Variants in DPP10 observed in about 807,000 individuals in gnomAD.
DPP10 encodes inactive dipeptidyl peptidase 10.
DPP10 carries 33 observed loss-of-function variants against 120.9 expected under a neutral mutation model. The ratio of observed to expected loss-of-function variants is 0.27; its 90% CI spans 0.21 to 0.37. DPP10 has a LOEUF of 0.37. Among genes scored for constraint, DPP10 ranks in the 10% least tolerant of loss-of-function variants. DPP10 has a pLI of 1.00. For missense variants in DPP10, 816 were observed against 942.8 expected (o/e 0.87, Z 1.76); for synonymous variants, 337 against 326.1 (o/e 1.03, Z -0.36).
chr2:114,766,723 T>C (rs912517695), intron 1 of DPP10, among the ~76,000 whole-genome samples: 4 of 152,138 alleles, frequency 2.6e-5, no homozygotes, highest in African/African-American at 9.7e-5. Flanking sequence ...ACTCTTGAAA[T>C]AACAATAATA....
chr2:114,589,663 T>C (rs1431495187), intron 1 of DPP10, among the ~76,000 whole-genome samples: 1 of 152,186 alleles, frequency 6.6e-6, no homozygotes, highest in Non-Finnish European at 1.5e-5. Flanking sequence ...AGATAATACA[T>C]TGAATAATTA....
At chr2:114,990,070 T>G (rs1473602892) in intron 1 of DPP10, among the ~76,000 whole-genome samples, 3 of 152,176 alleles carry the variant, frequency 2.0e-5, no homozygotes, top group African/African-American at 7.2e-5. Context: ...TTTCTTTGAA[T>G]TAGTTGCTGT....
At chr2:114,763,702 A>G (rs1574131783) in intron 1 of DPP10, among the ~76,000 whole-genome samples, 1 of 152,212 alleles carries the variant, frequency 6.6e-6, no homozygotes, top group African/African-American at 2.4e-5. Context: ...GGGAACATTT[A>G]TAATGCACAT....
intron 5 of DPP10, among the ~76,000 whole-genome samples, chr2:115,615,822 A>G (rs866594653): frequency 6.6e-6 from 1 of 152,124 alleles, no homozygotes. Context: ...GGGAACCTAA[A>G]TGGAGATTAT....
chr2:115,057,580 G>A (rs1706030643), intron 1 of DPP10, among the ~76,000 whole-genome samples: 1 of 152,182 alleles, frequency 6.6e-6, no homozygotes, highest in African/African-American at 2.4e-5. Flanking sequence ...TTTATGGAAA[G>A]GACAGAAGGA....
At chr2:115,458,733 C>G (rs768998881) in intron 3 of DPP10, among the ~76,000 whole-genome samples, 50 of 152,056 alleles carry the variant, frequency 3.3e-4, no homozygotes, top group South Asian at 8.3e-4. Context: ...ATATAGAGGA[C>G]TAGAAAGAAA....
At chr2:115,440,353 A>G (rs1333713351) in intron 3 of DPP10, among the ~76,000 whole-genome samples, 1 of 152,202 alleles carries the variant, frequency 6.6e-6, no homozygotes, top group African/African-American at 2.4e-5. Context: ...TGTATGAGCC[A>G]TGCAGAGCTG....
intron 5 of DPP10, among the ~76,000 whole-genome samples, chr2:115,578,652 A>G (rs2081831285): frequency 6.6e-6 from 1 of 152,166 alleles, no homozygotes; most frequent in Non-Finnish European, 1.5e-5. Context: ...CATACTCAGA[A>G]CCATGATTTG....
At chr2:115,401,395 CAT>C (rs2068061836) in intron 3 of DPP10, among the ~76,000 whole-genome samples, 1 of 152,056 alleles carries the variant, frequency 6.6e-6, no homozygotes, top group South Asian at 2.1e-4. Context: ...GCCTGGGTAA[CAT>C]AGAGAAGTCT....
At chr2:115,302,538 G>A (rs774280111) in intron 1 of DPP10, among the ~76,000 whole-genome samples, 18 of 151,772 alleles carry the variant, frequency 1.2e-4, no homozygotes, top group Admixed American at 4.6e-4. Context: ...GATCACATGA[G>A]CCCAGGAGGT....
intron 1 of DPP10, among the ~76,000 whole-genome samples, chr2:114,942,558 T>G (rs1697042588): frequency 6.8e-6 from 1 of 148,042 alleles, no homozygotes; most frequent in South Asian, 2.1e-4. Context: ...AGATTAGCCA[T>G]TTTTTTTTCA....
At chr2:114,695,309 A>G (rs1700006948) in intron 1 of DPP10, among the ~76,000 whole-genome samples, 1 of 152,084 alleles carries the variant, frequency 6.6e-6, no homozygotes, top group Non-Finnish European at 1.5e-5. Context: ...TGTAATAACC[A>G]CATCTCAGTT....
chr2:115,439,910 G>A (rs1056971755), intron 3 of DPP10, among the ~76,000 whole-genome samples: 7 of 152,014 alleles, frequency 4.6e-5, no homozygotes, highest in African/African-American at 9.7e-5. Context: ...ATTTTAGGCC[G>A]CCTTTCTAAA....
chr2:114,657,155 A>G (rs906751749), intron 1 of DPP10, among the ~76,000 whole-genome samples: 2 of 152,140 alleles, frequency 1.3e-5, no homozygotes, highest in Non-Finnish European at 2.9e-5. Context: ...CCAGGCCTAT[A>G]TCTTTTAAGA....
At chr2:115,361,287 T>C (rs1019321112) in intron 3 of DPP10, among the ~76,000 whole-genome samples, 3 of 151,838 alleles carry the variant, frequency 2.0e-5, no homozygotes, top group Admixed American at 1.3e-4. Flanking sequence ...TTCTAGGGAG[T>C]TGAGACCAGG....
chr2:115,138,641 G>A (rs1331698251), intron 1 of DPP10, among the ~76,000 whole-genome samples: 1 of 151,972 alleles, frequency 6.6e-6, no homozygotes, highest in Non-Finnish European at 1.5e-5. Context: ...ATTTCATTTG[G>A]GAAAATAAAA....
At chr2:115,169,492 A>C (rs920382907) in intron 1 of DPP10, among the ~76,000 whole-genome samples, 1 of 152,234 alleles carries the variant, frequency 6.6e-6, no homozygotes, top group South Asian at 2.1e-4. Flanking sequence ...TTTTATAGGT[A>C]GATTATTATA....
At chr2:115,205,764 A>G (rs2056078618) in intron 1 of DPP10, among the ~76,000 whole-genome samples, 1 of 152,180 alleles carries the variant, frequency 6.6e-6, no homozygotes, top group South Asian at 2.1e-4. Context: ...ATTGTCAGCA[A>G]TTTAACATGG....
At chr2:115,766,174 G>T (rs1391375083) in intron 12 of DPP10, among the ~76,000 whole-genome samples, 2 of 151,410 alleles carry the variant, frequency 1.3e-5, no homozygotes, top group African/African-American at 4.9e-5. Context: ...ATGTAAATAT[G>T]AGATTAGTGC....
Sources: gnomAD v4.1 joint callset for allele counts (sites outside exome capture counted in the v4.1 genomes callset) on GRCh38, gnomAD v4.1.1 for gene constraint, MANE v1.5 for transcripts, NCBI Gene and HGNC (gene_info 2026-07-23, HGNC 2026-07-21) for gene names.